Variants in HPSE2 observed in about 807,000 individuals in gnomAD.
HPSE2 encodes heparanase 2 (inactive), also known as inactive heparanase-2.
In HPSE2, 38 loss-of-function variants were observed where a neutral mutation model predicts 60.5. The ratio of observed to expected loss-of-function variants is 0.63; its 90% confidence interval spans 0.48 to 0.82. The LOEUF (loss-of-function observed/expected upper bound fraction) is 0.82, where lower values mean the gene tolerates loss of function less well. Ranked by LOEUF, HPSE2 falls within the 40% of genes least tolerant of loss-of-function variation. The probability of loss-of-function intolerance (pLI) is 0.00; values close to 1 mark genes in which losing one functional copy is unlikely to be tolerated. For missense variants in HPSE2, 713 were observed against 740.4 expected, an observed-to-expected ratio of 0.96 and a Z score of 0.43; for synonymous variants, 295 against 293.2, an observed-to-expected ratio of 1.01 and a Z score of -0.06.
chr10:99,056,683 T>A (rs1361618157), intron 3 of HPSE2, among the ~76,000 whole-genome samples: 1 of 152,130 alleles, frequency 6.6e-6, no homozygotes, highest in Non-Finnish European at 1.5e-5. Flanking sequence ...CTATTACATG[T>A]GTAGAAGAAA....
At chr10:99,184,786 T>TATATATATATATA (rs1847912634) in intron 2 of HPSE2, among the ~76,000 whole-genome samples, 1 of 25,284 alleles carries the variant, frequency 4.0e-5, no homozygotes, top group African/African-American at 1.4e-4. Context: ...CTATCCAAAA[T>TATATATATATATA]TATATATATA....
At chr10:98,625,169 C>A (rs965087607) in intron 7 of HPSE2, among the ~76,000 whole-genome samples, 21 of 152,308 alleles carry the variant, frequency 1.4e-4, no homozygotes, top group African/African-American at 5.1e-4. Flanking sequence ...AACTGCTACT[C>A]CTTAAGGAAG....
chr10:99,012,086 T>C (rs918196987), intron 3 of HPSE2, among the ~76,000 whole-genome samples: 1 of 151,876 alleles, frequency 6.6e-6, no homozygotes, highest in African/African-American at 2.4e-5. Flanking sequence ...AATTTAATAC[T>C]TAAAAATAAT....
At chr10:98,598,748 G>C (rs1945316626) in intron 9 of HPSE2, among the ~76,000 whole-genome samples, 1 of 151,856 alleles carries the variant, frequency 6.6e-6, no homozygotes, top group Non-Finnish European at 1.5e-5. Flanking sequence ...TTGACCTTGG[G>C]TCAACTGGAG....
At chr10:99,216,808 T>C (rs770890368) in intron 2 of HPSE2, among the ~76,000 whole-genome samples, 4 of 152,192 alleles carry the variant, frequency 2.6e-5, no homozygotes, top group African/African-American at 9.6e-5. Context: ...TTCCTGGCTA[T>C]CTTATCATTT....
chr10:99,082,934 T>A (rs994285281), intron 3 of HPSE2, among the ~76,000 whole-genome samples: 3 of 152,100 alleles, frequency 2.0e-5, no homozygotes, highest in African/African-American at 7.2e-5. Flanking sequence ...TATGTAGAAA[T>A]ACATAAAAGA....
At chr10:98,611,752 A>G (rs550628090) in intron 9 of HPSE2, among the ~76,000 whole-genome samples, 1 of 152,350 alleles carries the variant, frequency 6.6e-6, no homozygotes, top group South Asian at 2.1e-4. Flanking sequence ...TATAAGGTGC[A>G]GAATTTATTA....
At chr10:99,081,581 A>AGATG (rs1843138530) in intron 3 of HPSE2, among the ~76,000 whole-genome samples, 1 of 147,306 alleles carries the variant, frequency 6.8e-6, no homozygotes, top group Non-Finnish European at 1.5e-5. Flanking sequence ...CTACTACTAA[A>AGATG]GATGATGATG....
At chr10:98,997,484 G>C (rs1346967486) in intron 3 of HPSE2, among the ~76,000 whole-genome samples, 1 of 152,100 alleles carries the variant, frequency 6.6e-6, no homozygotes, top group Non-Finnish European at 1.5e-5. Flanking sequence ...TAGAAGGCTT[G>C]TTATAGATTT....
chr10:99,159,038 T>A (rs956942858), intron 2 of HPSE2, among the ~76,000 whole-genome samples: 2 of 152,026 alleles, frequency 1.3e-5, no homozygotes, highest in Admixed American at 6.6e-5. Context: ...TCTTTACACA[T>A]CTATATTCTA....
At chr10:98,609,195 T>C (rs1228559582) in intron 9 of HPSE2, among the ~76,000 whole-genome samples, 1 of 152,194 alleles carries the variant, frequency 6.6e-6, no homozygotes, top group Non-Finnish European at 1.5e-5. Context: ...CAGTATGACT[T>C]CTGTACTCCT....
At chr10:98,757,371 A>G (rs1949902237) in intron 3 of HPSE2, among the ~76,000 whole-genome samples, 1 of 152,074 alleles carries the variant, frequency 6.6e-6, no homozygotes, top group Non-Finnish European at 1.5e-5. Flanking sequence ...CATCTAAATA[A>G]GAAGTGAGGA....
At chr10:99,067,252 G>A (rs1336879748) in intron 3 of HPSE2, among the ~76,000 whole-genome samples, 1 of 152,152 alleles carries the variant, frequency 6.6e-6, no homozygotes, top group African/African-American at 2.4e-5. Flanking sequence ...TTTTCCAGGT[G>A]CATGGTGCAA....
chr10:98,794,548 T>C (rs1428912302), intron 3 of HPSE2, among the ~76,000 whole-genome samples: 1 of 152,152 alleles, frequency 6.6e-6, no homozygotes. Flanking sequence ...CCTGGCTGCA[T>C]TGCATTTAAT....
At chr10:98,989,476 T>C (rs1175556126) in intron 3 of HPSE2, among the ~76,000 whole-genome samples, 17 of 136,894 alleles carry the variant, frequency 1.2e-4, no homozygotes, top group Admixed American at 1.2e-3. Context: ...AAGGGGAACA[T>C]CAAACACCGG....
intron 3 of HPSE2, among the ~76,000 whole-genome samples, chr10:99,070,761 C>T (rs1302605472): frequency 2.0e-5 from 3 of 152,130 alleles, no homozygotes; most frequent in Admixed American, 1.3e-4. Flanking sequence ...ATACAGTATT[C>T]GTCTTTCTGT....
intron 2 of HPSE2, among the ~76,000 whole-genome samples, chr10:99,145,734 T>C (rs1846030584): frequency 6.6e-6 from 1 of 152,170 alleles, no homozygotes; most frequent in Admixed American, 6.5e-5. Context: ...CCCATGTTAA[T>C]GGTACTAAAA....
intron 3 of HPSE2, among the ~76,000 whole-genome samples, chr10:99,132,345 T>TA (rs1845475721): frequency 6.6e-6 from 1 of 151,782 alleles, no homozygotes; most frequent in South Asian, 2.1e-4. Flanking sequence ...ACTATTGAAG[T>TA]AAAATTAATA....
At chr10:98,808,403 G>T (rs1238073093) in intron 3 of HPSE2, among the ~76,000 whole-genome samples, 3 of 152,010 alleles carry the variant, frequency 2.0e-5, no homozygotes, top group Non-Finnish European at 4.4e-5. Context: ...CACTAATGGG[G>T]GCATTACAGC....
Sources: allele counts gnomAD v4.1 joint callset (sites outside exome capture counted in the v4.1 genomes callset), GRCh38; gene constraint gnomAD v4.1.1; transcripts MANE v1.5; gene names NCBI Gene and HGNC (gene_info 2026-07-23, HGNC 2026-07-21).